The following TET1 variants were observed in gnomAD, a reference collection of about 807,000 sequenced individuals.
TET1 encodes tet methylcytosine dioxygenase 1.
Under a neutral mutation model 148.7 loss-of-function variants are expected in TET1, and 13 were observed. That is an observed-to-expected ratio of 0.09 (90% CI 0.06 to 0.14). The LOEUF is 0.14. TET1 is among the 10% of genes least tolerant of loss of function. The pLI is 1.00. For missense variants in TET1, 2,182 were observed against 2,553.8 expected, an observed-to-expected ratio of 0.85 and a Z score of 3.14; for synonymous variants, 907 against 937.2, an observed-to-expected ratio of 0.97 and a Z score of 0.59.
chr10:68,660,532 G>C (rs1373497872), intron 6 of TET1, among the ~76,000 whole-genome samples: 1 of 151,742 alleles, frequency 6.6e-6, no homozygotes, highest in Non-Finnish European at 1.5e-5. Flanking sequence ...AGTAGGGATG[G>C]GGTTTCACCA....
intron 2 of TET1, among the ~76,000 whole-genome samples, chr10:68,593,425 G>GT (rs967860860): frequency 3.6e-4 from 49 of 135,616 alleles, no homozygotes; most frequent in African/African-American, 1.1e-3. Context: ...AAAAAATAAA[G>GT]TTTTTTTAAA....
At position 68,607,805 on chromosome 10, in the gene TET1, A is replaced by C. The variant is rs76210307; in HGVS notation, c.1968+6771A>C. 2.2e-3 allele frequency among the ~76,000 whole-genome samples: 326 copies of C among 147,886 alleles called. 1 individual carries two copies. Among genetic ancestry groups the C allele is most frequent in the African/African-American group, 6.3e-3 (258 of 40,784 alleles). ...ATATATGAATATATATATTCTCTCTATATATAGAATATATAAATATGTTTA... is the reference window on the plus strand; with the variant it reads ...ATATATGAATATATATATTCTCTCTCTATATAGAATATATAAATATGTTTA... On this transcript the variant is annotated intron_variant, in intron 3 of 11. Transcript: ENST00000373644.
chr10:68,693,705 T>C lies in TET1; in HGVS notation c.*1891T>C, dbSNP rs567506857. The C allele has an allele frequency of 2.6e-5, 6 of 231,768 alleles. No individual in the cohort carries two copies. In the East Asian group the frequency reaches 3.7e-4, roughly 14 times the overall value. 14.4% of individuals were successfully genotyped at this position (231,768 alleles called of 1,614,324 possible). The stretch of plus-strand genomic sequence containing the variant: ...GTGAGCCTAAGGTTTCTTATATACA[T>C]ATAAGTATATAAATAAGTGATTGTT... On this transcript the variant is annotated 3_prime_UTR_variant, in exon 12 of 12. Transcript: ENST00000373644.
chr10:68,586,883 A>G (rs2053868508), intron 2 of TET1, among the ~76,000 whole-genome samples: 1 of 152,276 alleles, frequency 6.6e-6, no homozygotes, highest in Non-Finnish European at 1.5e-5. Flanking sequence ...AGTGGTGGGT[A>G]TTGTATATGT....
At position 68,693,862 on chromosome 10, in the gene TET1, A is replaced by T. The variant is rs193195767; in HGVS notation, c.*2048A>T. On this transcript the variant is annotated 3_prime_UTR_variant, in exon 12 of 12. Coordinates refer to ENST00000373644, the MANE Select transcript of TET1 (RefSeq NM_030625.3). ...TATTTCTTCACCAGATTTAATGGATAAAGTTTTATGGCTCTTTATGCATCC... is the reference window on the plus strand; with the variant it reads ...TATTTCTTCACCAGATTTAATGGATTAAGTTTTATGGCTCTTTATGCATCC... 2 of 231,290 alleles carry T rather than the reference A, an allele frequency of 8.6e-6. No homozygotes were observed. The highest frequency in any genetic ancestry group is 1.2e-4 in the East Asian group (2 of 16,222). The allele number at this position is 231,290 out of a possible 1,614,324, so 14.3% of individuals were successfully genotyped here.
In TET1 at chr10:68,573,891, C is replaced by T. The variant is rs1227529542; in HGVS notation, c.1553C>T (p.Ala518Val). The change falls in exon 2 of 12, where the codon GCC (alanine) becomes GTC (valine). Residue 518 changes from alanine to valine, a missense_variant. Around this residue, in one of 11 missense-constraint regions of TET1, gnomAD observed 665 missense variants for 672.4 expected, o/e 0.99. Transcript: ENST00000373644. ...GCTAACACTCAGGGGTTCCCATTAGCCCCTGAGAGAGGACTCTTCCATGCT... is the reference window on the plus strand; with the variant it reads ...GCTAACACTCAGGGGTTCCCATTAGTCCCTGAGAGAGGACTCTTCCATGCT... ...LPANTQGFPL[A>V]PERGLFHASL... The T allele has an allele frequency of 3.7e-6, 6 of 1,614,118 alleles. No homozygotes were observed. The highest frequency in any genetic ancestry group is 1.6e-4 in the Middle Eastern group (1 of 6,062).
intron 3 of TET1, among the ~76,000 whole-genome samples, chr10:68,624,642 TTCTTTCTTTCTTTCTTTCTCTCTCTC>T (rs1473155964): frequency 9.9e-5 from 5 of 50,386 alleles, no homozygotes; most frequent in African/African-American, 6.2e-4. Flanking sequence ...CTTTCTTTCT[TTCTTTCTTTCTTTCTTTCTCTCTCTC>T]TCTCTCTCTC....
intron 6 of TET1, among the ~76,000 whole-genome samples, chr10:68,662,932 G>T (rs1275775832): frequency 6.6e-6 from 1 of 152,054 alleles, no homozygotes; most frequent in Non-Finnish European, 1.5e-5. Flanking sequence ...AAAAGGAAAA[G>T]AAAACAAAAC....
At chr10:68,664,124 T>G (rs2055161512) in intron 6 of TET1, among the ~76,000 whole-genome samples, 2 of 152,060 alleles carry the variant, frequency 1.3e-5, no homozygotes, top group East Asian at 3.9e-4. Context: ...TGAGCCACGG[T>G]GCCGGCCTGG....
chr10:68,645,275 T>C lies in TET1; in HGVS notation c.2546T>C (p.Ile849Thr). Residue 849 changes from isoleucine (I) to threonine (T), a missense_variant, in exon 4 of 12, where the codon ATA (isoleucine) becomes ACA (threonine). Around this residue, in one of 11 missense-constraint regions of TET1, gnomAD observed 582 missense variants for 599.5 expected, o/e 0.97. Transcript: ENST00000373644. ...SHSIINHHAS[I>T]HNEGDQPKTP... ...TCCATCATAAATCATCATGCTAGTA[T>C]ACACAATGAAGGTGATCAACCAAAA... The C allele has an allele frequency of 1.2e-6, 2 of 1,614,168 alleles. No individual in the cohort carries two copies. Among genetic ancestry groups the C allele is most frequent in the South Asian group, 1.1e-5 (1 of 91,082 alleles).
At chr10:68,689,209 T>C (rs2055557632) in intron 11 of TET1, among the ~76,000 whole-genome samples, 2 of 152,326 alleles carry the variant, frequency 1.3e-5, no homozygotes, top group South Asian at 4.1e-4. Context: ...GGGTCTTATG[T>C]ATGCGTTATC....
At chr10:68,651,250 C>T (rs1435988973) in intron 4 of TET1, among the ~76,000 whole-genome samples, 2 of 152,154 alleles carry the variant, frequency 1.3e-5, no homozygotes, top group East Asian at 1.9e-4. Context: ...GAGATTGAGA[C>T]CATCCTGGCT....
rs751187726 is a variant in TET1 at position 68,646,756 on chromosome 10, G to A, written c.4027G>A (p.Glu1343Lys). ...GCCAACATTGCCTGGTATCTCTCAT[G>A]AAACACCCTTACCGGAGTCAGCACT... ...RLPTLPGISH[E>K]TPLPESALTL... The change falls in exon 4 of 12, where the codon GAA becomes AAA. Residue 1343 changes from glutamate to lysine, a missense_variant. Physicochemically the swap from Glu to Lys is moderately conservative, Grantham distance 56 (BLOSUM62 1). This residue lies in a region of TET1 where 582 missense variants were observed against 599.5 expected (regional missense o/e 0.97). Coordinates refer to ENST00000373644, the MANE Select transcript of TET1 (RefSeq NM_030625.3). The A allele has an allele frequency of 6.2e-7, 1 of 1,614,136 alleles. No homozygotes were observed. Among genetic ancestry groups the A allele is most frequent in the South Asian group, 1.1e-5 (1 of 91,086 alleles).
rs1286547177 is a variant in TET1, at chr10:68,681,499, G to A, written c.4914+11G>A. ...GCTTACCAAAATCAGGTATGTATTG[G>A]TATGAACTTTTTATTTATTTATTAA... On this transcript the variant is annotated intron_variant, in intron 9 of 11. Transcript: ENST00000373644. 6.3e-7 allele frequency: 1 copy of A among 1,580,968 alleles called. No homozygotes were observed. Among genetic ancestry groups the A allele is most frequent in the Non-Finnish European group, 8.7e-7 (1 of 1,152,836 alleles).
chr10:68,575,650 C>T lies in TET1; in HGVS notation c.1914+1398C>T, dbSNP rs963099155. Among the ~76,000 whole-genome samples, 175 of 151,426 alleles carry T rather than the reference C, an allele frequency of 1.2e-3. 1 individual carries two copies. The highest frequency in any genetic ancestry group is 1.4e-3 in the Non-Finnish European group (93 of 67,926). On this transcript the variant is annotated intron_variant, in intron 2 of 11. Transcript: ENST00000373644. Reference sequence around the variant, plus strand: ...CCGGGAGGCGGAGGTTTCAGTGAGACGTCATCGTGCCACTGCACTACAGCC... The same window carrying T: ...CCGGGAGGCGGAGGTTTCAGTGAGATGTCATCGTGCCACTGCACTACAGCC...
chr10:68,589,662 ATTTTTTTTTTT>A (rs57278279), intron 2 of TET1, among the ~76,000 whole-genome samples: 4 of 109,766 alleles, frequency 3.6e-5, no homozygotes, highest in African/African-American at 7.9e-5. Flanking sequence ...AATATCTCCA[ATTTTTTTTTTT>A]TTTTTTTTTT....
Position 68,602,301 on chromosome 10 carries a change from C to A in TET1, c.1968+1267C>A, listed in dbSNP as rs183022091. 2.4e-3 allele frequency among the ~76,000 whole-genome samples: 363 copies of A among 152,254 alleles called. 3 individuals carry two copies. The highest frequency in any genetic ancestry group is 8.0e-3 in the African/African-American group (334 of 41,542). ...TCTTCTTTGTGTTGATCCATCGACC[C>A]CCATTTATTCCTTTTCCTTCCAACA... On this transcript the variant is annotated intron_variant, in intron 3 of 11. Transcript: ENST00000373644.
chr10:68,616,019 C>A (rs2054285105), intron 3 of TET1, among the ~76,000 whole-genome samples: 1 of 152,108 alleles, frequency 6.6e-6, no homozygotes, highest in African/African-American at 2.4e-5. Context: ...TACTGTAAAT[C>A]ATCAAATTAA....
chr10:68,611,751 G>T (rs1448836958), intron 3 of TET1, among the ~76,000 whole-genome samples: 1 of 147,670 alleles, frequency 6.8e-6, no homozygotes, highest in Admixed American at 6.9e-5. Flanking sequence ...CCAGGCTGGA[G>T]TGTAATGGTG....
Sources: gnomAD v4.1 joint callset for allele counts (sites outside exome capture counted in the v4.1 genomes callset) on GRCh38, gnomAD v4.1.1 for gene constraint, gnomAD v4.1.1 regional missense constraint, MANE v1.5 for transcripts, NCBI Gene and HGNC (gene_info 2026-07-23, HGNC 2026-07-21) for gene names.